The following TRAF3 variants were observed in gnomAD, a reference collection of about 807,000 sequenced individuals.
The protein encoded by TRAF3 is TNF receptor associated factor 3.
TRAF3 carries 13 observed loss-of-function variants against 62.3 expected under a neutral mutation model. The ratio of observed to expected loss-of-function variants is 0.21; its 90% CI spans 0.14 to 0.33. The LOEUF (loss-of-function observed/expected upper bound fraction) is 0.33, where lower values mean the gene tolerates loss of function less well. Ranked by LOEUF, TRAF3 falls within the 10% of genes least tolerant of loss-of-function variation. The probability of loss-of-function intolerance (pLI) is 1.00; values close to 1 mark genes in which losing one functional copy is unlikely to be tolerated. For synonymous variants in TRAF3, 269 were observed against 283.4 expected (o/e 0.95, Z 0.51); for missense variants, 440 against 741.8 (o/e 0.59, Z 4.73).
At chr14:102,855,182 T>C (rs1294115683) in intron 2 of TRAF3, among the ~76,000 whole-genome samples, 2 of 152,252 alleles carry the variant, frequency 1.3e-5, no homozygotes, top group African/African-American at 4.8e-5. Context: ...TTTTTAAGGC[T>C]GAATGGTATT....
intron 6 of TRAF3, among the ~76,000 whole-genome samples, chr14:102,881,048 A>G (rs539731604): frequency 2.0e-5 from 3 of 151,970 alleles, no homozygotes; most frequent in Non-Finnish European, 2.9e-5. Flanking sequence ...ACCCAAGATC[A>G]TGCACTCCAG....
At chr14:102,861,670 G>T (rs904407131) in intron 2 of TRAF3, among the ~76,000 whole-genome samples, 3 of 152,148 alleles carry the variant, frequency 2.0e-5, no homozygotes, top group African/African-American at 2.4e-5. Flanking sequence ...CCAAGAGAGG[G>T]TTATTGAATC....
chr14:102,903,049 C>G lies in TRAF3; in HGVS notation c.961-206C>G, dbSNP rs1166554575. On this transcript the variant is annotated intron_variant, in intron 10 of 11. Transcript: ENST00000392745. The surrounding 1 kb of genome is among the most constrained non-coding windows in gnomAD (Gnocchi z 6.4). ...GTGGCTTCATGTCACCTCGAGTGCTCCCTGCCGGCACAAGCACTTGATCCC... is the reference window on the plus strand; with the variant it reads ...GTGGCTTCATGTCACCTCGAGTGCTGCCTGCCGGCACAAGCACTTGATCCC... 6 of 689,488 alleles carry G rather than the reference C, an allele frequency of 8.7e-6. No individual in the cohort carries two copies. The highest frequency in any genetic ancestry group is 1.6e-5 in the Non-Finnish European group (6 of 385,738). 42.7% of individuals were successfully genotyped at this position (689,488 alleles called of 1,614,324 possible).
intron 2 of TRAF3, among the ~76,000 whole-genome samples, chr14:102,869,748 G>C (rs892563725): frequency 6.6e-6 from 1 of 151,528 alleles, no homozygotes; most frequent in African/African-American, 2.4e-5. Flanking sequence ...GGAGCTTGCA[G>C]TGAGCCAAGA....
At position 102,876,657 on chromosome 14, in the gene TRAF3, C is replaced by T. The variant is rs1595385605; in HGVS notation, c.570+132C>T. 15 of 1,240,652 alleles carry T rather than the reference C, an allele frequency of 1.2e-5. No individual in the cohort carries two copies. The South Asian group carries it at 1.7e-4, about 14-fold the overall frequency. 76.9% of individuals were successfully genotyped at this position (1,240,652 alleles called of 1,614,324 possible). On this transcript the variant is annotated intron_variant, in intron 6 of 11. Transcript: ENST00000392745. ...ACTCATAGATAATCCGTTCCACAGGCCTTCCACTCAGTTCATAGATATTCC... is the reference window on the plus strand; with the variant it reads ...ACTCATAGATAATCCGTTCCACAGGTCTTCCACTCAGTTCATAGATATTCC...
At chr14:102,857,625 G>A (rs1365739568) in intron 2 of TRAF3, among the ~76,000 whole-genome samples, 1 of 152,192 alleles carries the variant, frequency 6.6e-6, no homozygotes, top group African/African-American at 2.4e-5. Flanking sequence ...GGGCCTGTCG[G>A]AAAGTGACAT....
chr14:102,842,700 A>G (rs1419268796), intron 2 of TRAF3, among the ~76,000 whole-genome samples: 1 of 152,218 alleles, frequency 6.6e-6, no homozygotes, highest in East Asian at 1.9e-4. Flanking sequence ...ACCAGTGATC[A>G]AGATCAAAAG....
chr14:102,894,735 A>G (rs978138780), intron 9 of TRAF3, among the ~76,000 whole-genome samples: 5 of 152,042 alleles, frequency 3.3e-5, no homozygotes, highest in African/African-American at 1.2e-4. Flanking sequence ...CTCATACTCA[A>G]CTGCTTGATT....
intron 1 of TRAF3, among the ~76,000 whole-genome samples, chr14:102,780,635 G>A (rs749370515): frequency 3.9e-5 from 6 of 152,006 alleles, no homozygotes; most frequent in Non-Finnish European, 7.4e-5. Context: ...ATCAACTTTA[G>A]GAATCAGGTT....
At chr14:102,904,063 G>A (rs865972846) in intron 11 of TRAF3, among the ~76,000 whole-genome samples, 1 of 152,176 alleles carries the variant, frequency 6.6e-6, no homozygotes, top group South Asian at 2.1e-4. Flanking sequence ...AGGGAGGAGT[G>A]GGGAGAGCAC....
chr14:102,781,493 G>C (rs954157271), intron 1 of TRAF3, among the ~76,000 whole-genome samples: 1 of 152,126 alleles, frequency 6.6e-6, no homozygotes, highest in Non-Finnish European at 1.5e-5. Flanking sequence ...AGGGGAAGGG[G>C]TGTAAATGTT....
intron 1 of TRAF3, among the ~76,000 whole-genome samples, chr14:102,796,558 A>G (rs1246802354): frequency 6.6e-6 from 1 of 152,208 alleles, no homozygotes; most frequent in African/African-American, 2.4e-5. Context: ...AGCCTTGGCG[A>G]CTGAACCGCC....
At chr14:102,827,119 G>A (rs561568547) in intron 1 of TRAF3, among the ~76,000 whole-genome samples, 23 of 152,216 alleles carry the variant, frequency 1.5e-4, no homozygotes, top group Non-Finnish European at 3.1e-4. Flanking sequence ...GGCCCTCCCT[G>A]TAGTCCAGCT....
chr14:102,892,880 C>T (rs545913584), intron 9 of TRAF3, among the ~76,000 whole-genome samples: 6 of 152,308 alleles, frequency 3.9e-5, no homozygotes, highest in African/African-American at 1.2e-4. Flanking sequence ...GCAGCAGTGC[C>T]GGACTCATAT....
At chr14:102,841,690 G>T (rs1296734964) in intron 2 of TRAF3, among the ~76,000 whole-genome samples, 1 of 152,180 alleles carries the variant, frequency 6.6e-6, no homozygotes, top group Non-Finnish European at 1.5e-5. Context: ...AATGTAAAAA[G>T]AAATTGTGTC....
At chr14:102,838,455 A>G (rs1477658202) in intron 2 of TRAF3, among the ~76,000 whole-genome samples, 1 of 152,334 alleles carries the variant, frequency 6.6e-6, no homozygotes, top group East Asian at 1.9e-4. Context: ...GTTTAATTCA[A>G]CAAACAAGTG....
intron 1 of TRAF3, among the ~76,000 whole-genome samples, chr14:102,813,729 G>A (rs1899342944): frequency 6.6e-6 from 1 of 152,048 alleles, no homozygotes; most frequent in African/African-American, 2.4e-5. Context: ...AGGATTACAG[G>A]CGTGAGCCAC....
chr14:102,869,355 T>C (rs988375758), intron 2 of TRAF3, among the ~76,000 whole-genome samples: 1 of 152,160 alleles, frequency 6.6e-6, no homozygotes, highest in African/African-American at 2.4e-5. Context: ...GTTGTAGCAT[T>C]GAGACTCATC....
chr14:102,782,674 G>A lies in TRAF3; in HGVS notation c.-157+4999G>A, dbSNP rs561774478. Among the ~76,000 whole-genome samples the A allele has an allele frequency of 2.6e-3, 388 of 150,558 alleles. 7 individuals are homozygous for A. Among genetic ancestry groups the A allele is most frequent in the Non-Finnish European group, 4.7e-4 (32 of 67,730 alleles). On this transcript the variant is annotated intron_variant, in intron 1 of 11. Transcript: ENST00000392745. ...ATTTCACAATTTACTTTTTTACTAC[G>A]ATTTGTTCCATGCTGATTTCGAGCA... is the stretch of plus-strand genomic sequence containing the variant.
Sources: allele counts gnomAD v4.1 joint callset (sites outside exome capture counted in the v4.1 genomes callset), GRCh38; gene constraint gnomAD v4.1.1; non-coding constraint Gnocchi (gnomAD v3.1); transcripts MANE v1.5; gene names NCBI Gene and HGNC (gene_info 2026-07-23, HGNC 2026-07-21).